ARSJ: variants seen among roughly 807,000 people sequenced by gnomAD.
ARSJ encodes arylsulfatase family member J.
ARSJ carries 26 observed loss-of-function variants against 35.9 expected under a neutral mutation model. The ratio of observed to expected loss-of-function variants is 0.72; its 90% CI spans 0.53 to 1.00. The LOEUF is 1.00. ARSJ is among the 50% of genes least tolerant of loss of function. The probability of loss-of-function intolerance (pLI) is 0.00; values close to 1 mark genes in which losing one functional copy is unlikely to be tolerated. For synonymous variants in ARSJ, 294 were observed against 267.6 expected (o/e 1.10, Z -0.96); for missense variants, 667 against 723.6 (o/e 0.92, Z 0.90).
intron 1 of ARSJ, among the ~76,000 whole-genome samples, chr4:113,975,139 G>C (rs1414454561): frequency 2.0e-5 from 3 of 152,144 alleles, no homozygotes; most frequent in Non-Finnish European, 4.4e-5. Flanking sequence ...CTGGGAGAGT[G>C]ATTATCCATG....
At chr4:113,948,047 A>T (rs1262817458) in intron 1 of ARSJ, among the ~76,000 whole-genome samples, 2 of 152,020 alleles carry the variant, frequency 1.3e-5, no homozygotes, top group Non-Finnish European at 2.9e-5. Flanking sequence ...AAATTAGCAG[A>T]GTGTGGTGGT....
chr4:113,958,174 A>C (rs1048862153), intron 1 of ARSJ, among the ~76,000 whole-genome samples: 3 of 151,980 alleles, frequency 2.0e-5, no homozygotes, highest in African/African-American at 7.2e-5. Flanking sequence ...TCTCCTTCCA[A>C]ACAAACCATG....
At chr4:113,930,725 C>T (rs986175444) in intron 1 of ARSJ, among the ~76,000 whole-genome samples, 5 of 151,040 alleles carry the variant, frequency 3.3e-5, no homozygotes, top group Non-Finnish European at 5.9e-5. Flanking sequence ...CACATGCACA[C>T]GTATGTTTAT....
chr4:113,912,173 G>A (rs1461015569), intron 1 of ARSJ, among the ~76,000 whole-genome samples: 1 of 152,156 alleles, frequency 6.6e-6, no homozygotes, highest in Non-Finnish European at 1.5e-5. Flanking sequence ...AAGACAAAAT[G>A]GAGAAGGCCA....
intron 1 of ARSJ, among the ~76,000 whole-genome samples, chr4:113,917,109 C>T (rs1461732751): frequency 1.3e-5 from 2 of 152,102 alleles, no homozygotes; most frequent in East Asian, 3.9e-4. Context: ...AAAGCATACC[C>T]ATTTTTGATC....
At chr4:113,926,645 T>C (rs1048242478) in intron 1 of ARSJ, among the ~76,000 whole-genome samples, 9 of 152,156 alleles carry the variant, frequency 5.9e-5, no homozygotes, top group African/African-American at 2.2e-4. Flanking sequence ...CAGGACCTAC[T>C]AGAGCTAGAT....
chr4:113,958,878 C>T lies in ARSJ; in HGVS notation c.398+19559G>A, dbSNP rs563088662. 5.9e-5 allele frequency among the ~76,000 whole-genome samples: 9 copies of T among 152,046 alleles called. No individual in the cohort carries two copies. In the East Asian group the frequency reaches 1.6e-3, roughly 26 times the overall value. Reference sequence around the variant, plus strand: ...CTTGAAAATATCCTCTCTTGGAACCCGCTATTTTTTAAATTGCCACATTTC... The same window carrying T: ...CTTGAAAATATCCTCTCTTGGAACCTGCTATTTTTTAAATTGCCACATTTC... On this transcript the variant is annotated intron_variant, in intron 1 of 1. Transcript: ENST00000315366.
In ARSJ at chr4:113,902,784, T is replaced by G. The variant is rs2149245854; in HGVS notation, c.1290A>C (p.Lys430Asn). The part of the protein sequence containing the change: ...HNIDPIYTKA[K>N]NGSWAAGYGI... Reference sequence around the variant, plus strand: ...CATAGCCTGCTGCCCAGGAGCCATTTTTTGCCTTGGTGTATATGGGGTCAA... The same window carrying G: ...CATAGCCTGCTGCCCAGGAGCCATTGTTTGCCTTGGTGTATATGGGGTCAA... The change falls in exon 2 of 2, where the codon AAA becomes AAC. Residue 430 changes from lysine (K) to asparagine (N), a missense_variant. By Grantham distance (94) the Lys-to-Asn change is moderately conservative. Transcript: ENST00000315366. 3 of 1,614,166 alleles carry G rather than the reference T, an allele frequency of 1.9e-6. No individual in the cohort carries two copies. Among genetic ancestry groups the G allele is most frequent in the Middle Eastern group, 3.3e-4 (2 of 6,062 alleles).
At chr4:113,909,759 G>T (rs6822785) in intron 1 of ARSJ, among the ~76,000 whole-genome samples, 13,915 of 152,074 alleles carry the variant, frequency 0.092, 734 homozygotes, top group African/African-American at 0.14. Context: ...TATATCCTTA[G>T]AGCAGCATGA....
chr4:113,937,078 C>T (rs1322310405), intron 1 of ARSJ, among the ~76,000 whole-genome samples: 1 of 151,872 alleles, frequency 6.6e-6, no homozygotes, highest in East Asian at 1.9e-4. Context: ...ACTGTGTTCA[C>T]TCAATAAGTA....
Position 113,903,273 on chromosome 4 carries a change from A to T in ARSJ, c.801T>A (p.Ala267=). The change falls in exon 2 of 2, where the codon GCT becomes GCA. Residue 267 remains alanine (A), a synonymous_variant. Transcript: ENST00000315366. ...CAGGAGCTTGCAGTGGTGAATGAAC[A>T]GCTTGATAGGCAATATATAAAAATA... ...KPIFLYIAYQ[A]VHSPLQAPGR... 1 of 1,614,228 alleles carries T rather than the reference A, an allele frequency of 6.2e-7. No individual in the cohort carries two copies. The highest frequency in any genetic ancestry group is 8.5e-7 in the Non-Finnish European group (1 of 1,180,038).
chr4:113,942,266 C>T (rs1594460640), intron 1 of ARSJ, among the ~76,000 whole-genome samples: 1 of 140,568 alleles, frequency 7.1e-6, no homozygotes, highest in East Asian at 2.2e-4. Context: ...TTTCCCATGT[C>T]CTTCTGCTCA....
intron 1 of ARSJ, among the ~76,000 whole-genome samples, chr4:113,958,126 C>G (rs1726302217): frequency 6.6e-6 from 1 of 152,056 alleles, no homozygotes; most frequent in African/African-American, 2.4e-5. Flanking sequence ...TGCCTTCCAG[C>G]TGTTGCCACT....
intron 1 of ARSJ, among the ~76,000 whole-genome samples, chr4:113,907,269 T>A (rs1201061261): frequency 2.0e-5 from 3 of 152,200 alleles, no homozygotes; most frequent in African/African-American, 7.2e-5. Context: ...ATGATTTTTT[T>A]AAAGTATGTG....
At chr4:113,930,749 A>G (rs1037621769) in intron 1 of ARSJ, among the ~76,000 whole-genome samples, 8 of 150,694 alleles carry the variant, frequency 5.3e-5, no homozygotes, top group Non-Finnish European at 3.0e-5. Context: ...GGCACTATTC[A>G]CAATAGCAAA....
At chr4:113,947,626 G>A (rs1725581441) in intron 1 of ARSJ, among the ~76,000 whole-genome samples, 1 of 149,162 alleles carries the variant, frequency 6.7e-6, no homozygotes, top group African/African-American at 2.5e-5. Context: ...AGGAAGGAAG[G>A]GAAAGGAAGG....
At chr4:113,955,360 G>T (rs929862204) in intron 1 of ARSJ, among the ~76,000 whole-genome samples, 2 of 151,548 alleles carry the variant, frequency 1.3e-5, no homozygotes, top group Non-Finnish European at 2.9e-5. Context: ...AACCCAATTT[G>T]CCAGCTTCTT....
chr4:113,941,040 G>A (rs570400547), intron 1 of ARSJ, among the ~76,000 whole-genome samples: 8 of 152,076 alleles, frequency 5.3e-5, no homozygotes, highest in Non-Finnish European at 1.0e-4. Context: ...TTATCTCGGA[G>A]AGCAAATAGA....
intron 1 of ARSJ, among the ~76,000 whole-genome samples, chr4:113,942,550 T>C (rs7658266): frequency 0.81 from 123,227 of 151,926 alleles, 50,226 homozygotes; most frequent in African/African-American, 0.89. Context: ...ATTTAAAGGC[T>C]ACTTCGAATG....
Sources: allele counts gnomAD v4.1 joint callset (sites outside exome capture counted in the v4.1 genomes callset), GRCh38; gene constraint gnomAD v4.1.1; transcripts MANE v1.5; gene names NCBI Gene and HGNC (gene_info 2026-07-23, HGNC 2026-07-21).